The following OTC variants were observed in gnomAD, a reference collection of about 807,000 sequenced individuals.
OTC encodes ornithine transcarbamylase, mitochondrial.
A neutral mutation model predicts 30.3 loss-of-function variants in OTC; 3 were observed. That is an observed-to-expected ratio of 0.10 (90% confidence interval 0.05 to 0.26). The LOEUF (loss-of-function observed/expected upper bound fraction) is 0.26, where lower values mean the gene tolerates loss of function less well. Ranked by LOEUF, OTC falls within the 10% of genes least tolerant of loss-of-function variation. OTC has a pLI of 1.00. For missense variants in OTC, 194 were observed against 260.3 expected, an observed-to-expected ratio of 0.75 and a Z score of 1.75; for synonymous variants, 111 against 99.7, an observed-to-expected ratio of 1.11 and a Z score of -0.67.
intron 1 of OTC, among the ~76,000 whole-genome samples, chrX:38,364,589 C>T (rs902729451): frequency 3.6e-5 from 4 of 110,659 alleles, no homozygotes; most frequent in Admixed American, 9.7e-5. Flanking sequence ...CTCAGGAGTT[C>T]GAGATCAGCA....
chrX:38,331,708 G>A, the OTC span, among the ~76,000 whole-genome samples: 3 of 109,295 alleles, frequency 2.7e-5, no homozygotes, highest in East Asian at 5.7e-4. Flanking sequence ...TCAGCCTCCC[G>A]AATAGCTGGA....
At chrX:38,346,070 A>C in the OTC span, among the ~76,000 whole-genome samples, 2 of 111,625 alleles carry the variant, frequency 1.8e-5, no homozygotes, top group South Asian at 7.5e-4. Flanking sequence ...AATTTTGCAA[A>C]GGTGGTTTCA....
chrX:38,385,134 G>A (rs983772873), intron 4 of OTC, among the ~76,000 whole-genome samples: 2 of 111,331 alleles, frequency 1.8e-5, no homozygotes, highest in Non-Finnish European at 3.8e-5. Context: ...GCTGGGTGTG[G>A]TGGCGGGCAC....
chrX:38,377,077 A>G (rs1450550698), intron 3 of OTC, among the ~76,000 whole-genome samples: 1 of 112,115 alleles, frequency 8.9e-6, no homozygotes, highest in Non-Finnish European at 1.9e-5. Flanking sequence ...AGGATACAAA[A>G]CAAGTACCCC....
At chrX:38,402,002 G>C (rs2068491723) in intron 5 of OTC, among the ~76,000 whole-genome samples, 1 of 111,778 alleles carries the variant, frequency 8.9e-6, no homozygotes, top group African/African-American at 3.2e-5. Flanking sequence ...CCTCTTGTTT[G>C]GTTTGCCACA....
intron 3 of OTC, among the ~76,000 whole-genome samples, chrX:38,375,054 A>G (rs1388697333): frequency 8.9e-6 from 1 of 111,868 alleles, no homozygotes; most frequent in Non-Finnish European, 1.9e-5. Flanking sequence ...TATTCATTCA[A>G]TGAGAATTCA....
intron 9 of OTC, among the ~76,000 whole-genome samples, chrX:38,415,795 C>T (rs768433950): frequency 8.9e-6 from 1 of 112,239 alleles, no homozygotes; most frequent in South Asian, 3.7e-4. Context: ...GCAGAGGTTG[C>T]AGTGAGCCAA....
chrX:38,358,620 AT>A (rs1194488054), intron 1 of OTC, among the ~76,000 whole-genome samples: 978 of 88,269 alleles, frequency 0.011, 14 homozygotes, highest in African/African-American at 0.034. Context: ...CTGTGGTGGA[AT>A]TTTTTTTTTT....
chrX:38,388,316 C>A (rs773279838), intron 4 of OTC, among the ~76,000 whole-genome samples: 1 of 111,756 alleles, frequency 8.9e-6, no homozygotes, highest in African/African-American at 3.3e-5. Flanking sequence ...CTTCTCACCC[C>A]CTAACATATC....
At chrX:38,420,260 A>T (rs1461379225) in intron 9 of OTC, among the ~76,000 whole-genome samples, 3 of 111,224 alleles carry the variant, frequency 2.7e-5, no homozygotes, top group African/African-American at 9.8e-5. Flanking sequence ...ATAATAATAA[A>T]AGCTACCTTA....
Position 38,403,622 on chromosome X carries a change from A to G in OTC, c.545A>G (p.His182Arg). Residue 182 changes from histidine (H) to arginine (R), a missense_variant, in exon 6 of 10, where the codon CAC (histidine) becomes CGC (arginine). Coordinates refer to ENST00000039007, the MANE Select transcript of OTC (RefSeq NM_000531.6). ...CCTTCATCCCGTGCCTTTTAGGAAC[A>G]CTATAGCTCTCTGAAAGGTCTTACC... ...ILADYLTLQE[H>R]YSSLKGLTLS... The G allele has an allele frequency of 8.3e-7, 1 of 1,210,256 alleles. No individual in the cohort carries two copies. Among genetic ancestry groups the G allele is most frequent in the East Asian group, 3.0e-5 (1 of 33,845 alleles).
At position 38,421,028 on chromosome X, in the gene OTC, C is replaced by T. The variant is rs2068592418; in HGVS notation, c.1011C>T (p.Val337=). ...AENRKWTIMA[V]MVSLLTDYSP... is the part of the protein sequence containing the mutation. ...TTTCTTTGTTGTGTCATCAGGCTGTCATGGTGTCCCTGCTGACAGATTACT... is the reference window on the plus strand; with the variant it reads ...TTTCTTTGTTGTGTCATCAGGCTGTTATGGTGTCCCTGCTGACAGATTACT... Residue 337 remains valine, a synonymous_variant, in exon 10 of 10, where the codon GTC becomes GTT. Transcript: ENST00000039007. The T allele has an allele frequency of 8.4e-7, 1 of 1,197,258 alleles. No homozygotes were observed. The highest frequency in any genetic ancestry group is 1.8e-5 in the African/African-American group (1 of 56,933).
chrX:38,401,766 A>G (rs1449746785), intron 5 of OTC, among the ~76,000 whole-genome samples: 2 of 112,160 alleles, frequency 1.8e-5, no homozygotes, highest in Non-Finnish European at 3.8e-5. Context: ...ATGTGATTCT[A>G]TAGACATCAG....
intron 1 of OTC, among the ~76,000 whole-genome samples, chrX:38,362,085 T>C (rs1296316849): frequency 8.9e-6 from 1 of 111,836 alleles, no homozygotes; most frequent in Non-Finnish European, 1.9e-5. Flanking sequence ...GCCAAACTCA[T>C]AGATTCTAAT....
the OTC span, among the ~76,000 whole-genome samples, chrX:38,345,502 G>A: frequency 1.8e-5 from 2 of 108,814 alleles, no homozygotes; most frequent in South Asian, 8.2e-4. Flanking sequence ...TTTAGGGAGG[G>A]TCAGAATTTT....
the OTC span, among the ~76,000 whole-genome samples, chrX:38,342,145 G>A: frequency 5.0e-3 from 528 of 105,623 alleles, 5 homozygotes; most frequent in African/African-American, 0.017. Flanking sequence ...TCAGCCTCTC[G>A]ATGCATAGCT....
upstream of OTC, among the ~76,000 whole-genome samples, chrX:38,348,843 G>A (rs190010545): frequency 5.8e-3 from 649 of 111,606 alleles, 3 homozygotes; most frequent in Middle Eastern, 9.2e-3. Flanking sequence ...GCTGTGATGG[G>A]AATATTTACA....
intron 5 of OTC, 58 bp downstream of exon 5, chrX:38,401,486 T>A: frequency 1.1e-6 from 1 of 936,522 alleles, no homozygotes; most frequent in Non-Finnish European, 1.5e-6. Context: ...TGACTTGCTT[T>A]AAGTGAAACA....
intron 3 of OTC, among the ~76,000 whole-genome samples, chrX:38,377,642 C>A (rs764447654): frequency 8.9e-6 from 1 of 112,091 alleles, no homozygotes; most frequent in African/African-American, 3.2e-5. Flanking sequence ...GCAACAGTCT[C>A]CTGACTTGTC....
Sources: gnomAD v4.1 joint callset for allele counts (sites outside exome capture counted in the v4.1 genomes callset) on GRCh38, gnomAD v4.1.1 for gene constraint, MANE v1.5 for transcripts, NCBI Gene and HGNC (gene_info 2026-07-23, HGNC 2026-07-21) for gene names.